Variants in CHODL observed in about 807,000 individuals in gnomAD.
The protein encoded by CHODL is chondrolectin.
In CHODL, 29 loss-of-function variants were observed where a neutral mutation model predicts 34.5. The observed-to-expected ratio is 0.84, with a 90% CI of 0.63 to 1.15. The LOEUF is 1.15. Among genes scored for constraint, CHODL ranks in the 50% most tolerant of loss-of-function variants. The pLI, the probability that CHODL is intolerant of heterozygous loss-of-function variation, is 0.00. For missense variants in CHODL, 332 were observed against 332.5 expected (o/e 1.00, Z 0.01); for synonymous variants, 125 against 116.1 (o/e 1.08, Z -0.49).
chr21:18,016,925 A>C (rs902998671), intron 1 of CHODL, among the ~76,000 whole-genome samples: 1 of 152,170 alleles, frequency 6.6e-6, no homozygotes, highest in Non-Finnish European at 1.5e-5. Flanking sequence ...CAGATTTTGG[A>C]CTTGCATGGG....
intron 2 of CHODL, among the ~76,000 whole-genome samples, chr21:18,031,420 A>G (rs1287614976): frequency 6.6e-6 from 1 of 152,150 alleles, no homozygotes; most frequent in Non-Finnish European, 1.5e-5. Flanking sequence ...CTTGGTAATA[A>G]TAGAGAAGAA....
At chr21:17,925,958 C>A (rs1204664398) in intron 1 of CHODL, among the ~76,000 whole-genome samples, 1 of 152,146 alleles carries the variant, frequency 6.6e-6, no homozygotes, top group Admixed American at 6.5e-5. Flanking sequence ...GTTTAATAGA[C>A]AATTAGTATT....
chr21:17,996,134 C>T lies in CHODL; in HGVS notation c.-144-31738C>T, dbSNP rs140622344. Among the ~76,000 whole-genome samples the T allele has an allele frequency of 5.4e-3, 827 of 151,936 alleles. 8 individuals are homozygous for T. Among genetic ancestry groups the T allele is most frequent in the African/African-American group, 0.013 (541 of 41,420 alleles). ...TGGTCACATGCTTCCCATCCTTGAG[C>T]GTCTAACTCAAATGCAGTCAGTTAT... On this transcript the variant is annotated intron_variant, in intron 1 of 6. Coordinates refer to the CHODL transcript ENST00000400127.
intron 1 of CHODL, among the ~76,000 whole-genome samples, chr21:17,996,721 A>C (rs2063853085): frequency 6.6e-6 from 1 of 152,256 alleles, no homozygotes; most frequent in Non-Finnish European, 1.5e-5. Context: ...CTTTTTAATA[A>C]TAAACACTCT....
At chr21:17,998,579 C>T (rs2063874311) in intron 1 of CHODL, among the ~76,000 whole-genome samples, 1 of 152,224 alleles carries the variant, frequency 6.6e-6, no homozygotes. Flanking sequence ...CATTTCCATA[C>T]ATCTTCTAAA....
intron 1 of CHODL, among the ~76,000 whole-genome samples, chr21:18,249,933 G>A (rs552772222): frequency 3.9e-5 from 6 of 152,248 alleles, no homozygotes; most frequent in African/African-American, 1.2e-4. Context: ...TGTAGCTCAA[G>A]CTACCTAGAG....
intron 2 of CHODL, among the ~76,000 whole-genome samples, chr21:18,133,597 G>A (rs1242135106): frequency 6.6e-6 from 1 of 152,116 alleles, no homozygotes; most frequent in Non-Finnish European, 1.5e-5. Flanking sequence ...CAGAAAGCAA[G>A]TAAATTTACT....
intron 1 of CHODL, among the ~76,000 whole-genome samples, chr21:18,004,417 G>A (rs157753): frequency 0.016 from 2,416 of 152,242 alleles, 63 homozygotes; most frequent in African/African-American, 0.054. Context: ...AAGAAAGCAC[G>A]TACACATCAG....
At chr21:18,218,816 T>A (rs1469312902) in intron 2 of CHODL, among the ~76,000 whole-genome samples, 1 of 152,134 alleles carries the variant, frequency 6.6e-6, no homozygotes, top group East Asian at 1.9e-4. Flanking sequence ...AAGAGCAACC[T>A]TTACTTCAGT....
intron 2 of CHODL, among the ~76,000 whole-genome samples, chr21:18,172,346 A>G (rs1159575405): frequency 6.6e-6 from 1 of 152,222 alleles, no homozygotes; most frequent in African/African-American, 2.4e-5. Context: ...GAGAGCAGCC[A>G]GACAGGTCCA....
intron 2 of CHODL, among the ~76,000 whole-genome samples, chr21:18,238,166 C>A (rs1294790280): frequency 6.6e-6 from 1 of 152,044 alleles, no homozygotes; most frequent in African/African-American, 2.4e-5. Context: ...AGTATAGAGT[C>A]TGGGAAGAGA....
chr21:18,246,800 CAG>C (rs974682892), intron 1 of CHODL, among the ~76,000 whole-genome samples: 7 of 152,086 alleles, frequency 4.6e-5, no homozygotes, highest in African/African-American at 1.7e-4. Flanking sequence ...AAAGTAAAAA[CAG>C]AGCTTAAAAA....
chr21:18,063,985 T>C (rs1193374117), intron 2 of CHODL, among the ~76,000 whole-genome samples: 2 of 152,200 alleles, frequency 1.3e-5, no homozygotes, highest in Non-Finnish European at 2.9e-5. Flanking sequence ...TGTCCCTGTT[T>C]CCTAACCAAA....
intron 2 of CHODL, among the ~76,000 whole-genome samples, chr21:18,079,566 G>A (rs1478136743): frequency 6.7e-6 from 1 of 148,882 alleles, no homozygotes; most frequent in Non-Finnish European, 1.5e-5. Flanking sequence ...TATAAAACTT[G>A]TATATATACA....
At chr21:18,123,379 T>A (rs965721060) in intron 2 of CHODL, among the ~76,000 whole-genome samples, 3 of 152,242 alleles carry the variant, frequency 2.0e-5, no homozygotes, top group Non-Finnish European at 4.4e-5. Flanking sequence ...GTGCAATTTC[T>A]GCTTATTCCT....
At chr21:17,997,896 C>A (rs952297745) in intron 1 of CHODL, among the ~76,000 whole-genome samples, 1 of 152,058 alleles carries the variant, frequency 6.6e-6, no homozygotes, top group Non-Finnish European at 1.5e-5. Context: ...TAATTCCACC[C>A]CTGGCCCCTC....
At chr21:18,194,970 T>C (rs1456239605) in intron 2 of CHODL, among the ~76,000 whole-genome samples, 1 of 152,092 alleles carries the variant, frequency 6.6e-6, no homozygotes, top group Non-Finnish European at 1.5e-5. Flanking sequence ...GGAGAAAACC[T>C]AAAATCTACT....
intron 2 of CHODL, among the ~76,000 whole-genome samples, chr21:18,200,472 T>C (rs2073639110): frequency 6.6e-6 from 1 of 152,186 alleles, no homozygotes; most frequent in Admixed American, 6.5e-5. Flanking sequence ...CCGTTAGAAA[T>C]ATAATTTATT....
rs1358392945 is a variant in CHODL, at chr21:18,245,200, A to AC, written c.-22dup. Reference sequence around the variant, plus strand: ...AGAGGCCGCCCTCGCTCCACGCAACACCTGCTGCTGCCACCGCGCCGCGAT... The same window carrying AC: ...AGAGGCCGCCCTCGCTCCACGCAACACCCTGCTGCTGCCACCGCGCCGCGAT... On this transcript the variant is annotated 5_prime_UTR_variant, in exon 1 of 6. Transcript: ENST00000299295. The AC allele has an allele frequency of 2.0e-6, 3 of 1,514,626 alleles. No individual in the cohort carries two copies. The highest frequency in any genetic ancestry group is 2.6e-6 in the Non-Finnish European group (3 of 1,138,048). The allele number at this position is 1,514,626 out of a possible 1,614,324, so 93.8% of individuals were successfully genotyped here.
Sources: allele counts gnomAD v4.1 joint callset (sites outside exome capture counted in the v4.1 genomes callset), GRCh38; gene constraint gnomAD v4.1.1; transcripts MANE v1.5; gene names NCBI Gene and HGNC (gene_info 2026-07-23, HGNC 2026-07-21).